Variants in EXT1 observed in about 807,000 individuals in gnomAD.
EXT1 encodes exostosin-1.
A neutral mutation model predicts 82.5 loss-of-function variants in EXT1; 20 were observed. That is an observed-to-expected ratio of 0.24 (90% confidence interval 0.17 to 0.35). The LOEUF (loss-of-function observed/expected upper bound fraction) is 0.35. EXT1 is among the 10% of genes least tolerant of loss of function. EXT1 has a pLI of 1.00. For synonymous variants in EXT1, 348 were observed against 350.8 expected, an observed-to-expected ratio of 0.99 and a Z score of 0.09; for missense variants, 757 against 936.5, an observed-to-expected ratio of 0.81 and a Z score of 2.50.
chr8:117,998,935 G>A (rs1815603390), intron 1 of EXT1, among the ~76,000 whole-genome samples: 1 of 152,088 alleles, frequency 6.6e-6, no homozygotes, highest in South Asian at 2.1e-4. Flanking sequence ...CCACTAACAC[G>A]CCAGAGTTCT....
chr8:117,895,011 G>A (rs568356089), intron 1 of EXT1, among the ~76,000 whole-genome samples: 2 of 152,202 alleles, frequency 1.3e-5, no homozygotes, highest in Non-Finnish European at 2.9e-5. Flanking sequence ...CAAATACAAT[G>A]TCTATAAGCT....
At position 117,822,568 on chromosome 8, in the gene EXT1, T is replaced by C. The variant is rs768927725; in HGVS notation, c.1314A>G (p.Ile438Met). 6.2e-7 allele frequency: 1 copy of C among 1,613,328 alleles called. No individual in the cohort carries two copies. The highest frequency in any genetic ancestry group is 1.1e-5 in the South Asian group (1 of 91,078). Residue 438 changes from isoleucine (I) to methionine (M), a missense_variant, in exon 5 of 11, where the codon ATA (isoleucine) becomes ATG (methionine). Ile to Met is a conservative substitution (Grantham distance 10). Around this residue, in one of 4 missense-constraint regions of EXT1, gnomAD observed 207 missense variants for 224.2 expected, o/e 0.92. Coordinates refer to ENST00000378204, the MANE Select transcript of EXT1 (RefSeq NM_000127.3). ...TGTTCCATATTAAACTGTTACGTGA[T>C]ATGTGCTTGAATATTCTGTCCTGAA... The part of the protein sequence containing the change: ...EIIQDRIFKH[I>M]SRNSLIWNKH...
intron 1 of EXT1, among the ~76,000 whole-genome samples, chr8:117,993,236 TA>T (rs60227877): frequency 7.9e-5 from 12 of 151,390 alleles, no homozygotes; most frequent in African/African-American, 2.2e-4. Flanking sequence ...GATCAAGTTT[TA>T]AAAAAAAAGG....
At chr8:117,950,720 T>C (rs1814476035) in intron 1 of EXT1, among the ~76,000 whole-genome samples, 1 of 152,164 alleles carries the variant, frequency 6.6e-6, no homozygotes, top group South Asian at 2.1e-4. Context: ...TTTTTAAAAA[T>C]AGGTATATTG....
chr8:117,989,484 T>C (rs1586328250), intron 1 of EXT1, among the ~76,000 whole-genome samples: 1 of 152,182 alleles, frequency 6.6e-6, no homozygotes, highest in East Asian at 1.9e-4. Context: ...CCAGACCTCA[T>C]AATGGAGCCT....
chr8:118,096,542 A>C (rs1342928299), intron 1 of EXT1, among the ~76,000 whole-genome samples: 1 of 151,832 alleles, frequency 6.6e-6, no homozygotes, highest in Non-Finnish European at 1.5e-5. Context: ...GGAAGGTTAC[A>C]GTGAGCCGAG....
intron 5 of EXT1, 21 bp downstream of exon 5, chr8:117,822,444 C>A: frequency 1.2e-6 from 2 of 1,611,966 alleles, no homozygotes; most frequent in Non-Finnish European, 1.7e-6. Flanking sequence ...AAGGGCAACT[C>A]CCTGGAGGAA....
intron 1 of EXT1, among the ~76,000 whole-genome samples, chr8:117,900,372 G>A (rs1396761569): frequency 1.3e-5 from 2 of 152,216 alleles, no homozygotes; most frequent in Non-Finnish European, 2.9e-5. Context: ...TTAACAGCAA[G>A]TTCAAAACAA....
At chr8:118,009,224 G>C (rs980900916) in intron 1 of EXT1, among the ~76,000 whole-genome samples, 1 of 152,186 alleles carries the variant, frequency 6.6e-6, no homozygotes, top group African/African-American at 2.4e-5. Context: ...ACGCCTCCCA[G>C]ACTAACATTC....
intron 3 of EXT1, among the ~76,000 whole-genome samples, chr8:117,834,967 T>C (rs969781585): frequency 6.6e-6 from 1 of 152,200 alleles, no homozygotes. Context: ...CTCATTTAAA[T>C]ATAAATCCTA....
chr8:118,026,143 C>T (rs777516367), intron 1 of EXT1, among the ~76,000 whole-genome samples: 94 of 152,108 alleles, frequency 6.2e-4, no homozygotes, highest in Non-Finnish European at 1.3e-3. Context: ...AGACACAAGA[C>T]GCAATGGCAA....
chr8:118,020,877 TAAAAC>T (rs1816092073), intron 1 of EXT1, among the ~76,000 whole-genome samples: 1 of 152,168 alleles, frequency 6.6e-6, no homozygotes, highest in Non-Finnish European at 1.5e-5. Context: ...ACAGATCAAA[TAAAAC>T]AAAACACATA....
chr8:118,034,680 A>G (rs1383651789), intron 1 of EXT1, among the ~76,000 whole-genome samples: 1 of 152,160 alleles, frequency 6.6e-6, no homozygotes, highest in East Asian at 1.9e-4. Context: ...TCTTGCTTCT[A>G]CTTTCCTGAT....
rs1429568021 is a variant in EXT1, at chr8:117,971,878, CG to C, written c.963-134678del. Among the ~76,000 whole-genome samples, 3 of 152,128 alleles carry C rather than the reference CG, an allele frequency of 2.0e-5. No homozygotes were observed. The East Asian group carries it at 5.8e-4, about 29-fold the overall frequency. On this transcript the variant is annotated intron_variant, in intron 1 of 10. Coordinates refer to ENST00000378204, the MANE Select transcript of EXT1 (RefSeq NM_000127.3). ...TGTTAATAACACAGAAGACCGGGTG[CG>C]GTGGCTCACGCCTGTAATCCCAGCA...
intron 1 of EXT1, among the ~76,000 whole-genome samples, chr8:117,965,433 T>C (rs1056709778): frequency 2.0e-5 from 3 of 152,140 alleles, no homozygotes; most frequent in Admixed American, 6.5e-5. Context: ...AGTGTTTCAA[T>C]GGATACACTA....
At chr8:118,065,258 A>G (rs754766351) in intron 1 of EXT1, among the ~76,000 whole-genome samples, 7 of 152,020 alleles carry the variant, frequency 4.6e-5, no homozygotes, top group Non-Finnish European at 1.0e-4. Flanking sequence ...GCTTTTTTTC[A>G]TATGTTTGTT....
intron 1 of EXT1, among the ~76,000 whole-genome samples, chr8:117,991,754 G>A (rs574856596): frequency 1.3e-5 from 2 of 151,960 alleles, no homozygotes; most frequent in African/African-American, 2.4e-5. Flanking sequence ...TGGACACAGC[G>A]TTTCACCATG....
intron 1 of EXT1, among the ~76,000 whole-genome samples, chr8:117,923,516 G>A (rs920938411): frequency 6.6e-6 from 1 of 151,054 alleles, no homozygotes; most frequent in Non-Finnish European, 1.5e-5. Context: ...AGGAGATCGA[G>A]ACCATCCTGG....
intron 1 of EXT1, among the ~76,000 whole-genome samples, chr8:117,979,279 A>C (rs2129760968): frequency 6.6e-6 from 1 of 152,030 alleles, no homozygotes; most frequent in South Asian, 2.1e-4. Flanking sequence ...GCTTGAACCC[A>C]GGAGGCAGAG....
Sources: gnomAD v4.1 joint callset for allele counts (sites outside exome capture counted in the v4.1 genomes callset) on GRCh38, gnomAD v4.1.1 for gene constraint, gnomAD v4.1.1 regional missense constraint, MANE v1.5 for transcripts, NCBI Gene and HGNC (gene_info 2026-07-23, HGNC 2026-07-21) for gene names.